Variants in TXNDC8 observed in about 807,000 individuals in gnomAD.
TXNDC8 encodes thioredoxin domain containing 8.
A neutral mutation model predicts 12.9 loss-of-function variants in TXNDC8; 15 were observed. The observed-to-expected ratio is 1.16, with a 90% confidence interval of 0.78 to 1.79. The LOEUF is 1.79. Among genes scored for constraint, TXNDC8 ranks in the 40% most tolerant of loss-of-function variants. The pLI is 0.00. For synonymous variants in TXNDC8, 40 were observed against 35.4 expected (o/e 1.13, Z -0.46); for missense variants, 128 against 113.2 (o/e 1.13, Z -0.59).
At chr9:110,316,606 AT>A (rs1465095374) in intron 3 of TXNDC8, among the ~76,000 whole-genome samples, 1 of 152,246 alleles carries the variant, frequency 6.6e-6, no homozygotes, top group African/African-American at 2.4e-5. Flanking sequence ...ACAAGAGCCT[AT>A]AAAAACAATG....
rs1838321649 is a variant in TXNDC8, at chr9:110,303,670, A to C, written c.*12T>G. On this transcript the variant is annotated 3_prime_UTR_variant, in exon 5 of 5. Coordinates refer to ENST00000423740, the MANE Select transcript of TXNDC8 (RefSeq NM_001286946.2). Reference sequence around the variant, plus strand: ...CTTTAAGGAATTTTATTCCTGATTGAAAAGTTAAATCCTACTCATTTCCAT... The same window carrying C: ...CTTTAAGGAATTTTATTCCTGATTGCAAAGTTAAATCCTACTCATTTCCAT... The C allele has an allele frequency of 1.9e-6, 3 of 1,602,078 alleles. No homozygotes were observed. Among genetic ancestry groups the C allele is most frequent in the Non-Finnish European group, 2.6e-6 (3 of 1,172,936 alleles).
rs954040708 is a variant in TXNDC8 at position 110,321,871 on chromosome 9, G to A, written c.195+4304C>T. Among the ~76,000 whole-genome samples the A allele has an allele frequency of 2.6e-5, 4 of 152,202 alleles. No individual in the cohort carries two copies. The East Asian group carries it at 7.7e-4, about 29-fold the overall frequency. ...TCAGAGGTGTCATGGCTTAACTGCA[G>A]CTCTGGAGGCAATGTAGAAGTGGGG... On this transcript the variant is annotated intron_variant, in intron 3 of 4. Transcript: ENST00000423740.
chr9:110,315,852 AG>A (rs1838869318), intron 3 of TXNDC8, among the ~76,000 whole-genome samples: 1 of 17,100 alleles, frequency 5.8e-5, no homozygotes, highest in Admixed American at 8.4e-4. Context: ...GAGGGGGTTG[AG>A]GGGGCGGGGG....
intron 4 of TXNDC8, chr9:110,303,851 T>C: frequency 1.5e-6 from 1 of 689,402 alleles, no homozygotes; most frequent in South Asian, 2.2e-5. Flanking sequence ...CTAAAACGTA[T>C]AATAATCTCG....
intron 3 of TXNDC8, 132 bp downstream of exon 4, chr9:110,326,043 G>A: frequency 1.2e-6 from 1 of 861,374 alleles, no homozygotes; most frequent in Non-Finnish European, 1.9e-6. Flanking sequence ...ATACTTGTAT[G>A]TAGAGAATTA....
At chr9:110,331,386 A>C (rs568979451) in intron 2 of TXNDC8, among the ~76,000 whole-genome samples, 3 of 152,114 alleles carry the variant, frequency 2.0e-5, no homozygotes, top group Non-Finnish European at 4.4e-5. Flanking sequence ...CCCGTTTCCC[A>C]TGACTTCTGG....
chr9:110,329,790 T>C (rs761491062), intron 2 of TXNDC8, among the ~76,000 whole-genome samples: 21 of 152,212 alleles, frequency 1.4e-4, no homozygotes, highest in Non-Finnish European at 2.8e-4. Flanking sequence ...ATGCTGACCA[T>C]TAGCCTAATT....
intron 3 of TXNDC8, chr9:110,323,328 C>T: frequency 7.1e-6 from 7 of 985,356 alleles, no homozygotes; most frequent in Non-Finnish European, 8.4e-6. Context: ...CAGAGGAGAG[C>T]ATAGGGAGGG....
At chr9:110,313,345 A>G (rs1035355312) in intron 3 of TXNDC8, among the ~76,000 whole-genome samples, 2 of 152,234 alleles carry the variant, frequency 1.3e-5, no homozygotes, top group African/African-American at 4.8e-5. Context: ...TTCCGAAGAA[A>G]ATAACAGCAA....
chr9:110,323,950 A>G (rs1043020871), intron 3 of TXNDC8: 10 of 1,550,814 alleles, frequency 6.4e-6, no homozygotes, highest in Non-Finnish European at 8.7e-6. Context: ...TCAAGGGTCC[A>G]TTTCTGATGG....
chr9:110,326,260 G>A lies in TXNDC8; in HGVS notation c.130-20C>T, dbSNP rs747573787. 6 of 1,613,434 alleles carry A rather than the reference G, an allele frequency of 3.7e-6. No homozygotes were observed. The African/African-American group carries it at 6.7e-5, about 18-fold the overall frequency. ...CAGCTCCTGGGAAAGCAAAGAAATGGCATGAAGTTACAGTATTGGTGTCCT... is the reference window on the plus strand; with the variant it reads ...CAGCTCCTGGGAAAGCAAAGAAATGACATGAAGTTACAGTATTGGTGTCCT... On this transcript the variant is annotated intron_variant, in intron 2 of 4. Transcript: ENST00000423740.
At chr9:110,321,927 T>C (rs767615012) in intron 3 of TXNDC8, among the ~76,000 whole-genome samples, 2 of 152,184 alleles carry the variant, frequency 1.3e-5, no homozygotes, top group African/African-American at 4.8e-5. Context: ...GCTGCTCAGA[T>C]ACCAAATCCT....
chr9:110,337,112 A>G (rs1271006476), intron 1 of TXNDC8, among the ~76,000 whole-genome samples: 1 of 152,222 alleles, frequency 6.6e-6, no homozygotes, highest in Admixed American at 6.5e-5. Context: ...AAATGTCACA[A>G]GTCTAAATCT....
At chr9:110,337,627 G>T in intron 1 of TXNDC8, 146 bp downstream of exon 1, 1 of 738,008 alleles carries the variant, frequency 1.4e-6, no homozygotes, top group Non-Finnish European at 2.2e-6. Flanking sequence ...CAAGGAACAA[G>T]ATAAAGAACA....
At chr9:110,324,401 C>T (rs982395620) in intron 3 of TXNDC8, among the ~76,000 whole-genome samples, 2 of 152,150 alleles carry the variant, frequency 1.3e-5, no homozygotes, top group African/African-American at 4.8e-5. Flanking sequence ...AGCTATATTA[C>T]AGAAAATACT....
chr9:110,316,646 T>G (rs1228917274), intron 3 of TXNDC8, among the ~76,000 whole-genome samples: 1 of 152,266 alleles, frequency 6.6e-6, no homozygotes, highest in Non-Finnish European at 1.5e-5. Flanking sequence ...TATACTGGCC[T>G]TCTTCTCAAC....
At chr9:110,304,025 G>A (rs1242329966) in intron 4 of TXNDC8, among the ~76,000 whole-genome samples, 2 of 152,160 alleles carry the variant, frequency 1.3e-5, no homozygotes, top group Non-Finnish European at 2.9e-5. Flanking sequence ...ATTCTAAGAA[G>A]CACATGTTCC....
chr9:110,326,898 C>A (rs1004166142), intron 2 of TXNDC8, among the ~76,000 whole-genome samples: 30 of 148,616 alleles, frequency 2.0e-4, no homozygotes, highest in African/African-American at 7.4e-4. Context: ...TCTAATATAC[C>A]AATCATTTTG....
downstream of TXNDC8, among the ~76,000 whole-genome samples, chr9:110,301,905 T>G (rs965720699): frequency 6.6e-6 from 1 of 152,176 alleles, no homozygotes; most frequent in African/African-American, 2.4e-5. Flanking sequence ...GCATATTTGT[T>G]CTCCTTTTCA....
Sources: gnomAD v4.1 joint callset for allele counts (sites outside exome capture counted in the v4.1 genomes callset) on GRCh38, gnomAD v4.1.1 for gene constraint, MANE v1.5 for transcripts, NCBI Gene and HGNC (gene_info 2026-07-23, HGNC 2026-07-21) for gene names.